MAGI3: variants seen among roughly 807,000 people sequenced by gnomAD.
The protein encoded by MAGI3 is membrane-associated guanylate kinase, WW and PDZ domain-containing protein 3.
A neutral mutation model predicts 121.8 loss-of-function variants in MAGI3; 43 were observed. The observed-to-expected ratio is 0.35, with a 90% CI of 0.28 to 0.46. The LOEUF is 0.46. Ranked by LOEUF, MAGI3 falls within the 20% of genes least tolerant of loss-of-function variation. MAGI3 has a pLI of 1.00. For synonymous variants in MAGI3, 553 were observed against 639.3 expected, an observed-to-expected ratio of 0.86 and a Z score of 2.04; for missense variants, 1,547 against 1,797.3, an observed-to-expected ratio of 0.86 and a Z score of 2.52.
intron 1 of MAGI3, among the ~76,000 whole-genome samples, chr1:113,503,330 A>AAG (rs1657138046): frequency 6.7e-6 from 1 of 148,170 alleles, no homozygotes; most frequent in Admixed American, 6.8e-5. Flanking sequence ...AAAAAAAAAA[A>AAG]AAAGGCTTAA....
In MAGI3 at chr1:113,637,963, G is replaced by A. The variant is rs181825565; in HGVS notation, c.1361-3948G>A. Among the ~76,000 whole-genome samples, 17 of 151,836 alleles carry A rather than the reference G, an allele frequency of 1.1e-4. No homozygotes were observed. In the East Asian group the frequency reaches 1.9e-3, roughly 17 times the overall value. On this transcript the variant is annotated intron_variant, in intron 9 of 20. Transcript: ENST00000307546. ...CTTTTTTCTCTAAACTTCCCTTCTCGCTTCATTTCATTCATTTCATCTTCC... is the reference window on the plus strand; with the variant it reads ...CTTTTTTCTCTAAACTTCCCTTCTCACTTCATTTCATTCATTTCATCTTCC...
chr1:113,615,091 T>G (rs1440860686), intron 7 of MAGI3, among the ~76,000 whole-genome samples: 1 of 152,198 alleles, frequency 6.6e-6, no homozygotes, highest in Non-Finnish European at 1.5e-5. Flanking sequence ...CCTAAAGGTG[T>G]GCTCTCTTTT....
At chr1:113,464,600 T>A (rs1295325147) in intron 1 of MAGI3, among the ~76,000 whole-genome samples, 1 of 152,170 alleles carries the variant, frequency 6.6e-6, no homozygotes, top group Non-Finnish European at 1.5e-5. Flanking sequence ...ATTGTATTTA[T>A]TTACATTCCC....
chr1:113,445,170 A>G (rs1355446623), intron 1 of MAGI3, among the ~76,000 whole-genome samples: 3 of 152,110 alleles, frequency 2.0e-5, no homozygotes, highest in Non-Finnish European at 4.4e-5. Context: ...AGAGGGAGAG[A>G]AAGGGGAAGA....
chr1:113,507,194 C>T (rs1657375535), intron 1 of MAGI3, among the ~76,000 whole-genome samples: 1 of 152,102 alleles, frequency 6.6e-6, no homozygotes, highest in South Asian at 2.1e-4. Flanking sequence ...TAAACTATCT[C>T]TTGGAAAATT....
At chr1:113,409,850 G>A (rs1433745834) in intron 1 of MAGI3, among the ~76,000 whole-genome samples, 1 of 152,034 alleles carries the variant, frequency 6.6e-6, no homozygotes, top group Non-Finnish European at 1.5e-5. Context: ...CTGATGTGAG[G>A]AATTATCACT....
chr1:113,614,750 G>T, intron 7 of MAGI3, 92 bp downstream of exon 7: 1 of 843,540 alleles, frequency 1.2e-6, no homozygotes, highest in South Asian at 1.9e-5. Context: ...TTATGCTTCT[G>T]TGATCCAGCT....
chr1:113,483,684 A>C (rs1656216415), intron 1 of MAGI3, among the ~76,000 whole-genome samples: 1 of 152,242 alleles, frequency 6.6e-6, no homozygotes, highest in South Asian at 2.1e-4. Context: ...TCTGTTGTTT[A>C]GATCTAAAAG....
At chr1:113,656,090 A>G (rs551043322) in intron 15 of MAGI3, among the ~76,000 whole-genome samples, 1 of 152,324 alleles carries the variant, frequency 6.6e-6, no homozygotes, top group East Asian at 1.9e-4. Context: ...ATCAGGCTGA[A>G]TGGTAAATTA....
intron 19 of MAGI3, among the ~76,000 whole-genome samples, chr1:113,678,079 T>C (rs933789336): frequency 2.0e-5 from 3 of 151,732 alleles, no homozygotes; most frequent in Non-Finnish European, 2.9e-5. Context: ...AAATGACACC[T>C]GGTGGCAAGT....
At chr1:113,449,606 T>C (rs576356250) in intron 1 of MAGI3, 39 of 648,816 alleles carry the variant, frequency 6.0e-5, no homozygotes, top group Admixed American at 1.7e-4. Flanking sequence ...TCCCAATAGA[T>C]TGAGTTTATT....
chr1:113,599,718 T>A (rs1649246728), intron 6 of MAGI3, among the ~76,000 whole-genome samples: 1 of 151,590 alleles, frequency 6.6e-6, no homozygotes, highest in Non-Finnish European at 1.5e-5. Flanking sequence ...CTAACTCATT[T>A]TATGAGGCCA....
chr1:113,559,100 A>C (rs1660113623), intron 2 of MAGI3, among the ~76,000 whole-genome samples: 2 of 152,222 alleles, frequency 1.3e-5, no homozygotes, highest in South Asian at 2.1e-4. Flanking sequence ...ACAAAAATAC[A>C]CTGTGGTGCA....
At chr1:113,459,780 A>G (rs910095400) in intron 1 of MAGI3, among the ~76,000 whole-genome samples, 1 of 152,194 alleles carries the variant, frequency 6.6e-6, no homozygotes, top group Admixed American at 6.5e-5. Flanking sequence ...AGATGAGACA[A>G]TACCACCAAC....
chr1:113,516,035 G>T (rs1170391186), intron 1 of MAGI3, among the ~76,000 whole-genome samples: 2 of 151,934 alleles, frequency 1.3e-5, no homozygotes, highest in African/African-American at 2.4e-5. Flanking sequence ...CCACTCCCTT[G>T]TGACAATGAA....
At chr1:113,517,699 A>AATG (rs1657996000) in intron 1 of MAGI3, among the ~76,000 whole-genome samples, 1 of 151,966 alleles carries the variant, frequency 6.6e-6, no homozygotes, top group East Asian at 1.9e-4. Context: ...CCAATTCAAA[A>AATG]TCTTTAGGCT....
chr1:113,458,321 C>G (rs1446167802), intron 1 of MAGI3, among the ~76,000 whole-genome samples: 2 of 151,982 alleles, frequency 1.3e-5, no homozygotes, highest in Non-Finnish European at 2.9e-5. Flanking sequence ...ATTTTTTGAT[C>G]TGAATAATAA....
At chr1:113,514,564 G>T (rs1372394073) in intron 1 of MAGI3, among the ~76,000 whole-genome samples, 1 of 149,822 alleles carries the variant, frequency 6.7e-6, no homozygotes, top group Non-Finnish European at 1.5e-5. Flanking sequence ...TCATAGGTGG[G>T]AATTGAACAA....
intron 1 of MAGI3, among the ~76,000 whole-genome samples, chr1:113,474,369 T>A (rs1655699575): frequency 6.6e-6 from 1 of 152,154 alleles, no homozygotes; most frequent in Non-Finnish European, 1.5e-5. Flanking sequence ...ATTGCCTAGG[T>A]TTTCTTCTAG....
Sources: gnomAD v4.1 joint callset for allele counts (sites outside exome capture counted in the v4.1 genomes callset) on GRCh38, gnomAD v4.1.1 for gene constraint, MANE v1.5 for transcripts, NCBI Gene and HGNC (gene_info 2026-07-23, HGNC 2026-07-21) for gene names.